Variants in SYNDIG1 observed in about 807,000 individuals in gnomAD.
SYNDIG1 encodes the protein synapse differentiation-inducing gene protein 1.
A neutral mutation model predicts 19.4 loss-of-function variants in SYNDIG1; 9 were observed. The ratio of observed to expected loss-of-function variants is 0.46; its 90% confidence interval spans 0.28 to 0.81. SYNDIG1 has a LOEUF of 0.81. Ranked by LOEUF, SYNDIG1 falls within the 30% of genes least tolerant of loss-of-function variation. The pLI is 0.12. For synonymous variants in SYNDIG1, 141 were observed against 145.9 expected, an observed-to-expected ratio of 0.97 and a Z score of 0.24; for missense variants, 311 against 343.3, an observed-to-expected ratio of 0.91 and a Z score of 0.74.
chr20:24,551,656 T>G (rs567246821), intron 2 of SYNDIG1, among the ~76,000 whole-genome samples: 3 of 152,300 alleles, frequency 2.0e-5, no homozygotes, highest in East Asian at 3.9e-4. Flanking sequence ...CTGTTTTAAC[T>G]GTGTCCTGTA....
intron 2 of SYNDIG1, among the ~76,000 whole-genome samples, chr20:24,567,716 C>G (rs1600646107): frequency 1.3e-5 from 2 of 152,364 alleles, no homozygotes; most frequent in Non-Finnish European, 1.5e-5. Flanking sequence ...TACTGCCTCC[C>G]TGAAAACTCA....
chr20:24,562,099 C>T (rs2057957184), intron 2 of SYNDIG1, among the ~76,000 whole-genome samples: 1 of 152,138 alleles, frequency 6.6e-6, no homozygotes, highest in Non-Finnish European at 1.5e-5. Flanking sequence ...ACAAAGGAAT[C>T]AGTTTCACCT....
intron 1 of SYNDIG1, among the ~76,000 whole-genome samples, chr20:24,500,668 G>A (rs557522803): frequency 3.4e-4 from 52 of 152,062 alleles, no homozygotes; most frequent in African/African-American, 1.2e-3. Flanking sequence ...AGACACCACA[G>A]CATCTTTCTT....
At chr20:24,608,983 G>A (rs1015825948) in intron 3 of SYNDIG1, among the ~76,000 whole-genome samples, 1 of 152,142 alleles carries the variant, frequency 6.6e-6, no homozygotes, top group Admixed American at 6.5e-5. Context: ...TTAAATGAGG[G>A]GTGACAAATG....
intron 2 of SYNDIG1, among the ~76,000 whole-genome samples, chr20:24,552,703 C>T (rs2057729069): frequency 6.6e-6 from 1 of 152,166 alleles, no homozygotes; most frequent in South Asian, 2.1e-4. Flanking sequence ...TTAATCCAGT[C>T]TATCATTGTT....
At chr20:24,487,852 T>TG (rs1236740562) in intron 1 of SYNDIG1, among the ~76,000 whole-genome samples, 1 of 152,100 alleles carries the variant, frequency 6.6e-6, no homozygotes, top group Non-Finnish European at 1.5e-5. Flanking sequence ...ATAACTGGCT[T>TG]GGAGCACTAC....
At chr20:24,574,860 T>C (rs1181416054) in intron 2 of SYNDIG1, among the ~76,000 whole-genome samples, 2 of 152,184 alleles carry the variant, frequency 1.3e-5, no homozygotes, top group African/African-American at 4.8e-5. Flanking sequence ...TCCAGAACAT[T>C]ACAGATCCCT....
At chr20:24,576,230 A>G (rs1164378555) in intron 2 of SYNDIG1, among the ~76,000 whole-genome samples, 1 of 152,222 alleles carries the variant, frequency 6.6e-6, no homozygotes, top group African/African-American at 2.4e-5. Context: ...AATTAGAAAT[A>G]CTTATTTACT....
intron 3 of SYNDIG1, among the ~76,000 whole-genome samples, chr20:24,585,586 A>G (rs1392976926): frequency 6.6e-6 from 1 of 152,184 alleles, no homozygotes; most frequent in Admixed American, 6.5e-5. Context: ...CTTTTTCACT[A>G]CAGAGCATCC....
At chr20:24,541,844 G>A (rs923580951) in intron 1 of SYNDIG1, among the ~76,000 whole-genome samples, 4 of 152,202 alleles carry the variant, frequency 2.6e-5, no homozygotes, top group African/African-American at 4.8e-5. Flanking sequence ...GCAAGACTCC[G>A]GAGTGCATTG....
intron 1 of SYNDIG1, among the ~76,000 whole-genome samples, chr20:24,509,691 A>G (rs1182439736): frequency 6.6e-6 from 1 of 152,170 alleles, no homozygotes. Context: ...CAAAGGCCTT[A>G]AGTTTTCATT....
chr20:24,618,456 G>C (rs1035378916), intron 3 of SYNDIG1, among the ~76,000 whole-genome samples: 13 of 152,214 alleles, frequency 8.5e-5, no homozygotes, highest in African/African-American at 3.1e-4. Context: ...GGCACCACGG[G>C]GCTCAGCCTC....
At chr20:24,507,112 G>C (rs1235320601) in intron 1 of SYNDIG1, among the ~76,000 whole-genome samples, 1 of 152,088 alleles carries the variant, frequency 6.6e-6, no homozygotes, top group African/African-American at 2.4e-5. Context: ...CACACACTTC[G>C]TCATCAGCCG....
At chr20:24,650,799 G>C (rs1326250377) in intron 3 of SYNDIG1, among the ~76,000 whole-genome samples, 1 of 151,998 alleles carries the variant, frequency 6.6e-6, no homozygotes, top group East Asian at 1.9e-4. Flanking sequence ...GCTCCCAAGG[G>C]CTCCCAAGGA....
chr20:24,474,216 A>G (rs1345552152), intron 1 of SYNDIG1, among the ~76,000 whole-genome samples: 2 of 152,268 alleles, frequency 1.3e-5, no homozygotes, highest in African/African-American at 2.4e-5. Context: ...TTTAAAACAG[A>G]TTACCAACAG....
At chr20:24,581,663 A>T (rs1385987090) in intron 2 of SYNDIG1, among the ~76,000 whole-genome samples, 1 of 152,074 alleles carries the variant, frequency 6.6e-6, no homozygotes, top group Non-Finnish European at 1.5e-5. Flanking sequence ...AGCGGGGCAG[A>T]TACCCAGATT....
chr20:24,655,111 C>T (rs969489270), intron 3 of SYNDIG1, among the ~76,000 whole-genome samples: 1 of 152,118 alleles, frequency 6.6e-6, no homozygotes, highest in Non-Finnish European at 1.5e-5. Flanking sequence ...AACAAATTTC[C>T]AAAGTGAGGC....
intron 1 of SYNDIG1, among the ~76,000 whole-genome samples, chr20:24,504,483 T>A (rs1047979121): frequency 1.3e-5 from 2 of 152,192 alleles, no homozygotes; most frequent in African/African-American, 4.8e-5. Context: ...CAAGCCCGAC[T>A]GAGCTCCCTT....
At chr20:24,546,254 G>A (rs1439034663) in intron 2 of SYNDIG1, among the ~76,000 whole-genome samples, 2 of 152,216 alleles carry the variant, frequency 1.3e-5, no homozygotes, top group Non-Finnish European at 2.9e-5. Flanking sequence ...TGAACATGCA[G>A]TAGCTGTTCT....
Sources: gnomAD v4.1 joint callset for allele counts (sites outside exome capture counted in the v4.1 genomes callset) on GRCh38, gnomAD v4.1.1 for gene constraint, MANE v1.5 for transcripts, NCBI Gene and HGNC (gene_info 2026-07-23, HGNC 2026-07-21) for gene names.